Variants in MCCC2 observed in about 807,000 individuals in gnomAD.
The protein encoded by MCCC2 is methylcrotonyl-CoA carboxylase subunit 2.
In MCCC2, 52 loss-of-function variants were observed where a neutral mutation model predicts 77.2. That is an observed-to-expected ratio of 0.67 (90% CI 0.54 to 0.85). The LOEUF (loss-of-function observed/expected upper bound fraction) is 0.85. Among genes scored for constraint, MCCC2 ranks in the 40% least tolerant of loss-of-function variants. MCCC2 has a pLI of 0.00. For missense variants in MCCC2, 682 were observed against 703.2 expected (o/e 0.97, Z 0.34); for synonymous variants, 253 against 248.4 (o/e 1.02, Z -0.18).
At chr5:71,652,611 T>C (rs933686489) in intron 15 of MCCC2, 58 bp from the exon 16 acceptor site, 1 of 1,308,334 alleles carries the variant, frequency 7.6e-7, no homozygotes, top group South Asian at 1.2e-5. Flanking sequence ...ATTGAGATGA[T>C]CTAAACAGGG....
intron 8 of MCCC2, among the ~76,000 whole-genome samples, chr5:71,633,131 A>ATATATTTT (rs1554137344): frequency 2.6e-5 from 2 of 78,084 alleles, no homozygotes; most frequent in African/African-American, 1.0e-4. Flanking sequence ...ATATATATAT[A>ATATATTTT]TTTTTATTTT....
rs767663745 is a variant in MCCC2 at position 71,650,054 on chromosome 5, C to T, written c.1374-15C>T. On this transcript the variant is annotated splice_polypyrimidine_tract_variant and intron_variant, in intron 14 of 16. Transcript: ENST00000340941. ...TATTGACTTAATTTGTTTATTCTTC[C>T]TTTTCTTCCCCCAGCCCAAGATTTC... The T allele has an allele frequency of 7.5e-6, 12 of 1,601,992 alleles. No homozygotes were observed. The South Asian group carries it at 1.3e-4, about 18-fold the overall frequency.
intron 11 of MCCC2, 131 bp from the exon 12 acceptor site, chr5:71,643,688 C>T: frequency 6.3e-7 from 1 of 1,578,352 alleles, no homozygotes; most frequent in Non-Finnish European, 8.6e-7. Context: ...CTGTTTTATA[C>T]CATAGACAAA....
In MCCC2 at chr5:71,658,693, C is replaced by T. The variant is rs1397405566; in HGVS notation, c.*1833C>T. On this transcript the variant is annotated 3_prime_UTR_variant, in exon 17 of 17. Coordinates refer to ENST00000340941, the MANE Select transcript of MCCC2 (RefSeq NM_022132.5). Reference sequence around the variant, plus strand: ...CTATCAAATGTTTTCCTAATAAAGTCAATATTTCAAACATTTGTGTGTGAT... The same window carrying T: ...CTATCAAATGTTTTCCTAATAAAGTTAATATTTCAAACATTTGTGTGTGAT... 2 of 152,084 alleles carry T rather than the reference C, an allele frequency of 1.3e-5. No homozygotes were observed. The highest frequency in any genetic ancestry group is 4.8e-5 in the African/African-American group (2 of 41,414). The allele number at this position is 152,084 out of a possible 1,614,324, so 9.4% of individuals were successfully genotyped here.
intron 10 of MCCC2, among the ~76,000 whole-genome samples, chr5:71,637,069 T>A (rs1746958603): frequency 6.6e-6 from 1 of 152,168 alleles, no homozygotes. Context: ...TTAAAAAAAA[T>A]GTATTAAAGT....
At chr5:71,599,903 C>T (rs933826805) in intron 4 of MCCC2, 143 bp downstream of exon 4, 54 of 736,314 alleles carry the variant, frequency 7.3e-5, no homozygotes, top group South Asian at 2.9e-4. Context: ...TGGTGGCTCA[C>T]GCCTGTAATC....
chr5:71,602,685 A>G, intron 5 of MCCC2, 52 bp downstream of exon 5: 1 of 1,613,078 alleles, frequency 6.2e-7, no homozygotes, highest in East Asian at 2.2e-5. Flanking sequence ...AAAATGCAAG[A>G]TAGTTTGGAA....
intron 12 of MCCC2, 152 bp downstream of exon 12, chr5:71,644,047 G>C: frequency 1.5e-6 from 1 of 648,426 alleles, no homozygotes; most frequent in Non-Finnish European, 2.7e-6. Context: ...GTGTGTGTGT[G>C]TGTGTGTGTG....
At chr5:71,603,828 T>A (rs1745555225) in intron 5 of MCCC2, among the ~76,000 whole-genome samples, 1 of 152,214 alleles carries the variant, frequency 6.6e-6, no homozygotes, top group Non-Finnish European at 1.5e-5. Context: ...CTCCTTTTTT[T>A]ATCTTCATTT....
At chr5:71,591,851 C>G (rs1033522874) in intron 1 of MCCC2, among the ~76,000 whole-genome samples, 1 of 152,170 alleles carries the variant, frequency 6.6e-6, no homozygotes, top group Admixed American at 6.5e-5. Context: ...CTCCTGGGCT[C>G]AAGAGATCCT....
At chr5:71,653,261 G>T (rs781275407) in intron 16 of MCCC2, among the ~76,000 whole-genome samples, 9 of 152,228 alleles carry the variant, frequency 5.9e-5, no homozygotes, top group South Asian at 2.1e-4. Flanking sequence ...GTGTGTCGGC[G>T]CCAAATAATT....
At chr5:71,650,579 C>T (rs1319616929) in intron 15 of MCCC2, among the ~76,000 whole-genome samples, 1 of 152,116 alleles carries the variant, frequency 6.6e-6, no homozygotes, top group African/African-American at 2.4e-5. Flanking sequence ...ATTCTCATGC[C>T]TCAGCTTCCT....
chr5:71,604,243 G>A, intron 5 of MCCC2, 113 bp from the exon 6 acceptor site: 6 of 903,138 alleles, frequency 6.6e-6, no homozygotes, highest in Non-Finnish European at 1.1e-5. Context: ...GAAAGACAGG[G>A]CAAGTTTTTT....
At chr5:71,610,522 C>T (rs956068254) in intron 6 of MCCC2, among the ~76,000 whole-genome samples, 7 of 152,182 alleles carry the variant, frequency 4.6e-5, no homozygotes, top group Admixed American at 1.3e-4. Flanking sequence ...AGAAATCACC[C>T]GTCTTCTGCG....
At chr5:71,641,367 T>C (rs1747117998) in intron 11 of MCCC2, 1 of 369,388 alleles carries the variant, frequency 2.7e-6, no homozygotes, top group East Asian at 6.2e-5. Flanking sequence ...TAGTAGAAAA[T>C]ACTTGTAGTT....
intron 1 of MCCC2, among the ~76,000 whole-genome samples, chr5:71,590,389 G>C (rs1332641192): frequency 6.6e-6 from 1 of 152,202 alleles, no homozygotes; most frequent in Non-Finnish European, 1.5e-5. Flanking sequence ...GCAAATGTCA[G>C]CTTCAGTGGG....
intron 12 of MCCC2, 87 bp downstream of exon 12, chr5:71,643,982 TA>T (rs1223586629): frequency 2.6e-6 from 4 of 1,550,200 alleles, no homozygotes; most frequent in Non-Finnish European, 2.6e-6. Context: ...ATTTATTGCA[TA>T]AAAATGCTTA....
At chr5:71,632,416 A>G (rs962550822) in intron 8 of MCCC2, among the ~76,000 whole-genome samples, 6 of 152,156 alleles carry the variant, frequency 3.9e-5, no homozygotes, top group South Asian at 2.1e-4. Context: ...TTATTTGACA[A>G]ACATTCATTG....
chr5:71,642,856 C>T (rs900328106), intron 11 of MCCC2, among the ~76,000 whole-genome samples: 2 of 152,030 alleles, frequency 1.3e-5, no homozygotes, highest in Non-Finnish European at 2.9e-5. Context: ...ATAAGTTAGC[C>T]AGGTGTAGTG....
Sources: gnomAD v4.1 joint callset for allele counts (sites outside exome capture counted in the v4.1 genomes callset) on GRCh38, gnomAD v4.1.1 for gene constraint, MANE v1.5 for transcripts, NCBI Gene and HGNC (gene_info 2026-07-23, HGNC 2026-07-21) for gene names.